Variants in OTOGL observed in about 807,000 individuals in gnomAD.
OTOGL encodes otogelin-like protein.
In OTOGL, 285 loss-of-function variants were observed where a neutral mutation model predicts 318.5. The ratio of observed to expected loss-of-function variants is 0.89; its 90% confidence interval spans 0.81 to 0.99. The LOEUF is 0.99. Among genes scored for constraint, OTOGL ranks in the 50% least tolerant of loss-of-function variants. The probability of loss-of-function intolerance (pLI) is 0.00; values close to 1 mark genes in which losing one functional copy is unlikely to be tolerated. For missense variants in OTOGL, 2,899 were observed against 2,845.6 expected (o/e 1.02, Z -0.43); for synonymous variants, 987 against 936.5 (o/e 1.05, Z -0.99).
At chr12:80,295,157 C>CTCTTTTTTT (rs1885300256) in intron 26 of OTOGL, among the ~76,000 whole-genome samples, 1 of 98,940 alleles carries the variant, frequency 1.0e-5, no homozygotes, top group African/African-American at 4.9e-5. Context: ...GATTGCCGAA[C>CTCTTTTTTT]TTTTTTTTTT....
chr12:80,330,923 A>G (rs1312074451), intron 37 of OTOGL, among the ~76,000 whole-genome samples: 1 of 152,260 alleles, frequency 6.6e-6, no homozygotes, highest in Non-Finnish European at 1.5e-5. Context: ...ATGTAGCAAA[A>G]GAAGTGTAAA....
chr12:80,167,219 A>G (rs567146061), intron 1 of OTOGL, among the ~76,000 whole-genome samples: 1 of 152,250 alleles, frequency 6.6e-6, no homozygotes, highest in South Asian at 2.1e-4. Context: ...ATGGCGAACA[A>G]TTCAGCCTTA....
chr12:80,152,057 A>G (rs1354308277), intron 1 of OTOGL, among the ~76,000 whole-genome samples: 2 of 152,148 alleles, frequency 1.3e-5, no homozygotes, highest in African/African-American at 4.8e-5. Flanking sequence ...TTTCTACTCA[A>G]TTGAGAACAG....
chr12:80,307,446 C>T (rs1184243521), intron 29 of OTOGL, among the ~76,000 whole-genome samples: 1 of 147,996 alleles, frequency 6.8e-6, no homozygotes, highest in African/African-American at 2.5e-5. Flanking sequence ...GCTGACCCCC[C>T]CCACCTCCCT....
At position 80,370,651 on chromosome 12, in the gene OTOGL, A is replaced by G. The variant is rs778076708; in HGVS notation, c.6697A>G (p.Met2233Val). The G allele has an allele frequency of 7.5e-6, 12 of 1,595,882 alleles. No homozygotes were observed. The Admixed American group carries it at 1.2e-4, about 16-fold the overall frequency. Reference sequence around the variant, plus strand: ...AGGAGCAATAATTCTGAACTACACAATGGTCTGTCCCCCTTTTAATGAGAC... The same window carrying G: ...AGGAGCAATAATTCTGAACTACACAGTGGTCTGTCCCCCTTTTAATGAGAC... ...DEGAIILNYT[M>V]VCPPFNETEC... The change falls in exon 56 of 59, where the codon ATG (methionine) becomes GTG (valine). Residue 2233 changes from methionine to valine, a missense_variant. Transcript: ENST00000547103.
chr12:80,101,472 C>T (rs183527385), intron 1 of OTOGL, among the ~76,000 whole-genome samples: 4 of 152,288 alleles, frequency 2.6e-5, no homozygotes, highest in Admixed American at 1.3e-4. Flanking sequence ...TGAGTGGAGA[C>T]TGTTTTATCT....
intron 26 of OTOGL, among the ~76,000 whole-genome samples, chr12:80,290,555 G>A (rs1267133177): frequency 1.3e-5 from 2 of 152,048 alleles, no homozygotes; most frequent in Non-Finnish European, 1.5e-5. Context: ...ACAATATAAT[G>A]TCAAACATGA....
rs994933100 is a variant in OTOGL, at chr12:80,379,938, A to T, written c.*1890A>T. The T allele has an allele frequency of 6.6e-6, 1 of 152,092 alleles. No homozygotes were observed. The highest frequency in any genetic ancestry group is 2.4e-5 in the African/African-American group (1 of 41,456). The allele number at this position is 152,092 out of a possible 1,614,324, so 9.4% of individuals were successfully genotyped here. On this transcript the variant is annotated 3_prime_UTR_variant, in exon 59 of 59. Transcript: ENST00000547103. ...TCTAGCAAGAAAGCAGGCCTTAAAT[A>T]GCCATACATATGATATGAGAATGTC...
At chr12:80,160,035 G>A (rs979596620) in intron 1 of OTOGL, among the ~76,000 whole-genome samples, 6 of 152,036 alleles carry the variant, frequency 3.9e-5, no homozygotes, top group Admixed American at 2.0e-4. Flanking sequence ...GGGATAATTG[G>A]CAAGTCACAT....
In OTOGL at chr12:80,372,255, G is replaced by C. The variant is rs114982264; in HGVS notation, c.6781+191G>C. On this transcript the variant is annotated intron_variant, in intron 57 of 58. Coordinates refer to ENST00000547103, the MANE Select transcript of OTOGL (RefSeq NM_001378609.3). ...TTGTAATTTAGTCTTTAACTTAAAGGTTTTTGTATCATATGGTTAATAATT... is the reference window on the plus strand; with the variant it reads ...TTGTAATTTAGTCTTTAACTTAAAGCTTTTTGTATCATATGGTTAATAATT... 7.5e-3 allele frequency among the ~76,000 whole-genome samples: 1,136 copies of C among 151,984 alleles called. 14 individuals carry two copies. The highest frequency in any genetic ancestry group is 0.026 in the African/African-American group (1,097 of 41,472).
At chr12:80,103,273 C>G in intron 1 of OTOGL, 1 of 1,581,482 alleles carries the variant, frequency 6.3e-7, no homozygotes, top group Non-Finnish European at 8.7e-7. Flanking sequence ...TGGGAAGGTG[C>G]GTTGAAATGC....
intron 1 of OTOGL, among the ~76,000 whole-genome samples, chr12:80,127,229 C>T (rs1435226600): frequency 6.6e-6 from 1 of 152,144 alleles, no homozygotes; most frequent in Non-Finnish European, 1.5e-5. Flanking sequence ...TCTTTTAGGG[C>T]AGGCCTGGTG....
At chr12:80,150,739 C>G (rs1872734521) in intron 1 of OTOGL, among the ~76,000 whole-genome samples, 1 of 152,158 alleles carries the variant, frequency 6.6e-6, no homozygotes, top group Non-Finnish European at 1.5e-5. Context: ...GAAGATGTAT[C>G]CACCCATAAC....
At position 80,265,003 on chromosome 12, in the gene OTOGL, G is replaced by A; in HGVS notation, c.2017G>A (p.Gly673Arg). The A allele has an allele frequency of 6.2e-7, 1 of 1,613,674 alleles. No homozygotes were observed. The part of the protein sequence containing the change: ...DPCNINQQNI[G>R]YAAHCDVIHQ... ...ATGCTAATTGGGCTCTTTGTTAGTT[G>A]GGTATGCAGCACACTGTGATGTCAT... The change falls in exon 20 of 59, where the codon GGG becomes AGG. Residue 673 changes from glycine (G) to arginine (R), a missense_variant and splice_region_variant. Gly to Arg is a moderately radical substitution (Grantham distance 125, BLOSUM62 -2). This residue lies in a region of OTOGL where 2,607 missense variants were observed against 2,524.9 expected (regional missense o/e 1.03). Coordinates refer to ENST00000547103, the MANE Select transcript of OTOGL (RefSeq NM_001378609.3).
chr12:80,149,419 G>T (rs1356955010), intron 1 of OTOGL, among the ~76,000 whole-genome samples: 1 of 152,202 alleles, frequency 6.6e-6, no homozygotes, highest in Non-Finnish European at 1.5e-5. Flanking sequence ...GAGGCAGTCT[G>T]CCCGTTCTCA....
intron 1 of OTOGL, among the ~76,000 whole-genome samples, chr12:80,135,415 G>T (rs1366759893): frequency 6.6e-6 from 1 of 151,764 alleles, no homozygotes; most frequent in African/African-American, 2.4e-5. Context: ...TGGGATTACA[G>T]GTGCCTACCA....
chr12:80,305,590 A>G lies in OTOGL; in HGVS notation c.3228A>G (p.Gly1076=), dbSNP rs1886051590. ...TCTTACTTTAGAACAAGCTATCAGG[A>G]TTGTGTGGAAACTTTGACAAATGCA... ...VGPQWKNKLS[G]LCGNFDKCTS... The change falls in exon 29 of 59, where the codon GGA becomes GGG. Residue 1076 remains glycine (G), a synonymous_variant. Transcript: ENST00000547103. 6.4e-7 allele frequency: 1 copy of G among 1,564,792 alleles called. No homozygotes were observed. The highest frequency in any genetic ancestry group is 1.4e-5 in the African/African-American group (1 of 73,678).
chr12:80,296,994 A>G, intron 27 of OTOGL, 33 bp downstream of exon 27: 7 of 1,478,006 alleles, frequency 4.7e-6, no homozygotes, highest in Non-Finnish European at 5.5e-6. Flanking sequence ...GATCATTTGA[A>G]CTTGTCCTGA....
intron 43 of OTOGL, 46 bp downstream of exon 43, chr12:80,339,310 T>TTG (rs1555300236): frequency 6.3e-6 from 9 of 1,424,608 alleles, no homozygotes; most frequent in South Asian, 1.3e-5. Flanking sequence ...TTTTTTTTTT[T>TTG]TTTTTTTTTT....
Sources: allele counts gnomAD v4.1 joint callset (sites outside exome capture counted in the v4.1 genomes callset), GRCh38; gene constraint gnomAD v4.1.1; regional missense constraint gnomAD v4.1.1; transcripts MANE v1.5; gene names NCBI Gene and HGNC (gene_info 2026-07-23, HGNC 2026-07-21).